Variants in AGBL4 observed in about 807,000 individuals in gnomAD.
AGBL4 encodes the protein cytosolic carboxypeptidase 6.
AGBL4 carries 58 observed loss-of-function variants against 66.4 expected under a neutral mutation model. The ratio of observed to expected loss-of-function variants is 0.87; its 90% CI spans 0.71 to 1.09. The LOEUF (loss-of-function observed/expected upper bound fraction) is 1.09. Ranked by LOEUF, AGBL4 falls within the 50% of genes least tolerant of loss-of-function variation. The pLI is 0.00. For missense variants in AGBL4, 579 were observed against 631.0 expected (o/e 0.92, Z 0.88); for synonymous variants, 234 against 222.9 (o/e 1.05, Z -0.44).
intron 6 of AGBL4, among the ~76,000 whole-genome samples, chr1:48,853,148 C>A (rs1647070731): frequency 6.6e-6 from 1 of 152,190 alleles, no homozygotes; most frequent in Non-Finnish European, 1.5e-5. Context: ...ACTCAAGCAG[C>A]CCCACAGAGA....
At chr1:49,547,927 C>T (rs773504812) in intron 3 of AGBL4, among the ~76,000 whole-genome samples, 2 of 152,042 alleles carry the variant, frequency 1.3e-5, no homozygotes, top group Admixed American at 1.3e-4. Context: ...GCGTGCACCA[C>T]CATGCCCGGC....
rs566138151 is a variant in AGBL4, at chr1:48,688,139, A to C, written c.635-24898T>G. Among the ~76,000 whole-genome samples, 168 of 152,348 alleles carry C rather than the reference A, an allele frequency of 1.1e-3. 1 individual carries two copies. Among genetic ancestry groups the C allele is most frequent in the African/African-American group, 3.9e-3 (162 of 41,582 alleles). On this transcript the variant is annotated intron_variant, in intron 6 of 13. Transcript: ENST00000371839. ...AGGAAGGGAGGGATGAAGGGAGAGA[A>C]GGAGGGAGGAAGAGAAGGAAGGAGG...
intron 5 of AGBL4, among the ~76,000 whole-genome samples, chr1:48,964,114 T>C (rs1018928305): frequency 6.6e-6 from 1 of 152,136 alleles, no homozygotes; most frequent in South Asian, 2.1e-4. Flanking sequence ...GTGTAGGACA[T>C]GCTACAAGCA....
intron 4 of AGBL4, among the ~76,000 whole-genome samples, chr1:49,091,746 G>A (rs915473165): frequency 2.4e-4 from 36 of 151,978 alleles, no homozygotes; most frequent in African/African-American, 7.2e-4. Context: ...TTATCTCAGC[G>A]CTATTCACAA....
chr1:48,538,475 T>G (rs969636994), intron 12 of AGBL4, among the ~76,000 whole-genome samples: 1 of 152,210 alleles, frequency 6.6e-6, no homozygotes, highest in African/African-American at 2.4e-5. Flanking sequence ...CACATGAGTC[T>G]GAGACAGAAT....
intron 3 of AGBL4, among the ~76,000 whole-genome samples, chr1:49,512,073 A>G (rs1649319034): frequency 6.6e-6 from 1 of 152,012 alleles, no homozygotes; most frequent in South Asian, 2.1e-4. Context: ...AACACTGTTG[A>G]ATAAAGTTCT....
At chr1:49,439,855 C>T (rs367689630) in intron 3 of AGBL4, among the ~76,000 whole-genome samples, 15 of 152,152 alleles carry the variant, frequency 9.9e-5, no homozygotes, top group Admixed American at 3.9e-4. Context: ...CTCGTGATCA[C>T]GTAAGTTAAT....
At chr1:48,732,930 T>A (rs968705655) in intron 6 of AGBL4, among the ~76,000 whole-genome samples, 10 of 152,162 alleles carry the variant, frequency 6.6e-5, no homozygotes, top group African/African-American at 2.4e-4. Context: ...AGAACAGGTT[T>A]CTCAGTGAAG....
At chr1:49,281,261 GA>G (rs964781628) in intron 3 of AGBL4, among the ~76,000 whole-genome samples, 1 of 152,146 alleles carries the variant, frequency 6.6e-6, no homozygotes, top group Non-Finnish European at 1.5e-5. Flanking sequence ...AAAAGAGTAC[GA>G]AAAAATTAAT....
chr1:49,287,306 AG>A lies in AGBL4; in HGVS notation c.283-41443del, dbSNP rs1211408663. Among the ~76,000 whole-genome samples, 15 of 145,758 alleles carry A rather than the reference AG, an allele frequency of 1.0e-4. 1 individual carries two copies. Among genetic ancestry groups the A allele is most frequent in the Admixed American group, 5.5e-4 (8 of 14,506 alleles). ...ACCATTCAGGACATAGGCATGGGCAAGGACTTCATGTCCAAAACACCAAAAG... is the reference window on the plus strand; with the variant it reads ...ACCATTCAGGACATAGGCATGGGCAAGACTTCATGTCCAAAACACCAAAAG... On this transcript the variant is annotated intron_variant, in intron 3 of 13. Transcript: ENST00000371839.
intron 6 of AGBL4, among the ~76,000 whole-genome samples, chr1:48,681,944 G>A (rs1037255313): frequency 6.6e-6 from 1 of 152,226 alleles, no homozygotes; most frequent in African/African-American, 2.4e-5. Context: ...GAATGTGGCT[G>A]TATGAGGAGA....
At chr1:50,019,339 AACAC>A (rs1219315970) in intron 1 of AGBL4, among the ~76,000 whole-genome samples, 1 of 54,152 alleles carries the variant, frequency 1.8e-5, no homozygotes, top group African/African-American at 6.1e-5. Flanking sequence ...CACACACATA[AACAC>A]ACACAGACAC....
intron 3 of AGBL4, among the ~76,000 whole-genome samples, chr1:49,353,284 C>G (rs1643948852): frequency 6.6e-6 from 1 of 152,148 alleles, no homozygotes; most frequent in Non-Finnish European, 1.5e-5. Context: ...GCCCTTATAT[C>G]TCTGGCATCT....
intron 3 of AGBL4, among the ~76,000 whole-genome samples, chr1:49,293,863 A>C (rs1386469329): frequency 6.6e-6 from 1 of 152,234 alleles, no homozygotes; most frequent in Non-Finnish European, 1.5e-5. Flanking sequence ...CAGTGCTTTA[A>C]TTAGGACAAT....
At chr1:49,114,951 A>G (rs1645486182) in intron 4 of AGBL4, among the ~76,000 whole-genome samples, 1 of 152,220 alleles carries the variant, frequency 6.6e-6, no homozygotes, top group Non-Finnish European at 1.5e-5. Flanking sequence ...TATTGCAAGA[A>G]TTACCAAGAT....
intron 6 of AGBL4, chr1:48,742,494 C>T (rs1411852906): frequency 6.4e-6 from 6 of 931,472 alleles, no homozygotes; most frequent in Non-Finnish European, 8.8e-6. Flanking sequence ...ATTCCAGAAA[C>T]AGTCATTCAG....
At chr1:49,958,842 T>C (rs1386425038) in intron 1 of AGBL4, among the ~76,000 whole-genome samples, 2 of 150,716 alleles carry the variant, frequency 1.3e-5, no homozygotes, top group African/African-American at 4.9e-5. Context: ...TAAAGTATAA[T>C]AAAAAATAAA....
intron 2 of AGBL4, among the ~76,000 whole-genome samples, chr1:49,730,997 C>A (rs1649401240): frequency 6.6e-6 from 1 of 152,194 alleles, no homozygotes; most frequent in Admixed American, 6.5e-5. Flanking sequence ...AGGAGGCTGA[C>A]TTCTATGGAC....
chr1:48,634,389 T>C lies in AGBL4; in HGVS notation c.951+104A>G, dbSNP rs951128322. ...CCTAGTGCCTCCCTGGTTTTAGCTA[T>C]GTATTCCTAATTTGCAGCTTCTAGT... On this transcript the variant is annotated intron_variant, in intron 9 of 13. Transcript: ENST00000371839. 29 of 898,336 alleles carry C rather than the reference T, an allele frequency of 3.2e-5. No homozygotes were observed. In the East Asian group the frequency reaches 6.7e-4, roughly 21 times the overall value. The allele number at this position is 898,336 out of a possible 1,614,324, so 55.6% of individuals were successfully genotyped here.
Sources: allele counts gnomAD v4.1 joint callset (sites outside exome capture counted in the v4.1 genomes callset), GRCh38; gene constraint gnomAD v4.1.1; transcripts MANE v1.5; gene names NCBI Gene and HGNC (gene_info 2026-07-23, HGNC 2026-07-21).